Variants in IGF1R observed in about 807,000 individuals in gnomAD.
IGF1R encodes insulin like growth factor 1 receptor, also known as insulin-like growth factor 1 receptor.
Under a neutral mutation model 144.6 loss-of-function variants are expected in IGF1R, and 44 were observed. The observed-to-expected ratio is 0.30, with a 90% CI of 0.24 to 0.39. The LOEUF (loss-of-function observed/expected upper bound fraction) is 0.39. IGF1R is among the 10% of genes least tolerant of loss of function. The pLI is 1.00. For missense variants in IGF1R, 1,355 were observed against 1,833.7 expected, an observed-to-expected ratio of 0.74 and a Z score of 4.77; for synonymous variants, 795 against 722.8, an observed-to-expected ratio of 1.10 and a Z score of -1.60.
chr15:98,892,040 A>T (rs1023366250), intron 3 of IGF1R, among the ~76,000 whole-genome samples: 5 of 152,186 alleles, frequency 3.3e-5, no homozygotes, highest in Admixed American at 2.6e-4. Context: ...AAGAAAAGAC[A>T]TGCTAAGCCC....
At chr15:98,659,009 C>G (rs1422959726) in intron 1 of IGF1R, among the ~76,000 whole-genome samples, 1 of 152,224 alleles carries the variant, frequency 6.6e-6, no homozygotes, top group African/African-American at 2.4e-5. Flanking sequence ...GAACCTGGCA[C>G]CTGGTATTAA....
chr15:98,771,440 C>A (rs2055582084), intron 2 of IGF1R, among the ~76,000 whole-genome samples: 1 of 152,136 alleles, frequency 6.6e-6, no homozygotes, highest in East Asian at 1.9e-4. Context: ...AACCGATGTG[C>A]AGATATGTGT....
chr15:98,847,426 C>G (rs963936584), intron 2 of IGF1R, among the ~76,000 whole-genome samples: 1 of 152,150 alleles, frequency 6.6e-6, no homozygotes, highest in African/African-American at 2.4e-5. Flanking sequence ...AAGGAAAAGG[C>G]TTTGGAGCCA....
chr15:98,683,670 G>A (rs1481379309), intron 1 of IGF1R, among the ~76,000 whole-genome samples: 4 of 152,200 alleles, frequency 2.6e-5, no homozygotes, highest in African/African-American at 9.6e-5. Context: ...CATCTGACAA[G>A]CCCATTTCAC....
chr15:98,903,279 A>G (rs950448330), intron 5 of IGF1R, among the ~76,000 whole-genome samples: 2 of 152,232 alleles, frequency 1.3e-5, no homozygotes, highest in African/African-American at 4.8e-5. Context: ...GTTTCACATT[A>G]TTTGGTGCTA....
intron 4 of IGF1R, among the ~76,000 whole-genome samples, chr15:98,899,170 C>T (rs1385057174): frequency 1.3e-5 from 2 of 152,228 alleles, no homozygotes; most frequent in African/African-American, 4.8e-5. Flanking sequence ...TCCCTACATT[C>T]GTCAGCCTTA....
At chr15:98,877,684 C>T (rs1596386290) in intron 2 of IGF1R, among the ~76,000 whole-genome samples, 1 of 152,064 alleles carries the variant, frequency 6.6e-6, no homozygotes, top group African/African-American at 2.4e-5. Context: ...GTTCAATTTA[C>T]TCAGCACCTG....
intron 2 of IGF1R, among the ~76,000 whole-genome samples, chr15:98,803,715 A>C (rs2056412190): frequency 6.6e-6 from 1 of 152,130 alleles, no homozygotes; most frequent in East Asian, 1.9e-4. Flanking sequence ...CATGTTGCCC[A>C]GGCTGATCTC....
chr15:98,662,543 C>T (rs1455388086), intron 1 of IGF1R, among the ~76,000 whole-genome samples: 1 of 152,024 alleles, frequency 6.6e-6, no homozygotes, highest in Non-Finnish European at 1.5e-5. Flanking sequence ...GGTCTCTGCT[C>T]CATGGAAAGC....
intron 2 of IGF1R, among the ~76,000 whole-genome samples, chr15:98,717,458 T>A (rs1259407260): frequency 2.0e-5 from 3 of 152,354 alleles, no homozygotes. Context: ...GTATTGCTTT[T>A]CTAAATTGTA....
At position 98,854,888 on chromosome 15, in the gene IGF1R, G is replaced by A. The variant is rs146302994; in HGVS notation, c.641-36437G>A. Among the ~76,000 whole-genome samples the A allele has an allele frequency of 2.6e-3, 396 of 152,106 alleles. 3 individuals are homozygous for A. The highest frequency in any genetic ancestry group is 9.2e-3 in the African/African-American group (382 of 41,470). ...CTGGCCTGGCTTTGGGTTCTACACG[G>A]TCTGACTTTAGCCTGCCTTGGTCTT... On this transcript the variant is annotated intron_variant, in intron 2 of 20. Coordinates refer to ENST00000650285, the MANE Select transcript of IGF1R (RefSeq NM_000875.5).
chr15:98,770,934 A>C (rs995792399), intron 2 of IGF1R, among the ~76,000 whole-genome samples: 1 of 152,168 alleles, frequency 6.6e-6, no homozygotes, highest in Non-Finnish European at 1.5e-5. Context: ...GATCCCTAAA[A>C]CTTTAGATCA....
chr15:98,764,675 G>A (rs907299469), intron 2 of IGF1R, among the ~76,000 whole-genome samples: 3 of 152,114 alleles, frequency 2.0e-5, no homozygotes, highest in South Asian at 2.1e-4. Flanking sequence ...CTTCGTCTTC[G>A]AATAATTCTT....
chr15:98,746,464 T>TG (rs2054868883), intron 2 of IGF1R, among the ~76,000 whole-genome samples: 1 of 152,180 alleles, frequency 6.6e-6, no homozygotes, highest in African/African-American at 2.4e-5. Context: ...TGGATAGATG[T>TG]CTTTTTAGTG....
chr15:98,706,324 G>A lies in IGF1R; in HGVS notation c.95-1238G>A, dbSNP rs149750457. ...CTGAGAAGCTTTAATAGTGTACTTG[G>A]GATTATTAAATCCTAAAAAAGGTTA... On this transcript the variant is annotated intron_variant, in intron 1 of 20. Coordinates refer to ENST00000650285, the MANE Select transcript of IGF1R (RefSeq NM_000875.5). 1.7e-3 allele frequency among the ~76,000 whole-genome samples: 263 copies of A among 152,190 alleles called. 2 individuals are homozygous for A. The highest frequency in any genetic ancestry group is 6.0e-3 in the African/African-American group (250 of 41,544).
intron 2 of IGF1R, among the ~76,000 whole-genome samples, chr15:98,804,006 A>T (rs1026440995): frequency 1.3e-5 from 2 of 152,244 alleles, no homozygotes; most frequent in Admixed American, 6.5e-5. Flanking sequence ...TATGAGGAAC[A>T]TGTACATCTT....
chr15:98,728,753 A>C (rs1596241805), intron 2 of IGF1R, among the ~76,000 whole-genome samples: 1 of 152,160 alleles, frequency 6.6e-6, no homozygotes. Flanking sequence ...TTTGGTGATC[A>C]CCCTCTCTGT....
At chr15:98,669,468 T>C (rs2052830749) in intron 1 of IGF1R, among the ~76,000 whole-genome samples, 1 of 152,208 alleles carries the variant, frequency 6.6e-6, no homozygotes. Context: ...ACCTTTTCTT[T>C]GGCTTTGTTA....
intron 2 of IGF1R, among the ~76,000 whole-genome samples, chr15:98,831,084 C>T (rs1346668685): frequency 6.6e-6 from 1 of 152,144 alleles, no homozygotes; most frequent in Non-Finnish European, 1.5e-5. Context: ...ATAAGGGATC[C>T]ACCCCATGAC....
Sources: gnomAD v4.1 joint callset for allele counts (sites outside exome capture counted in the v4.1 genomes callset) on GRCh38, gnomAD v4.1.1 for gene constraint, MANE v1.5 for transcripts, NCBI Gene and HGNC (gene_info 2026-07-23, HGNC 2026-07-21) for gene names.